PRKD2: variants seen among roughly 807,000 people sequenced by gnomAD.
PRKD2 encodes the protein serine/threonine-protein kinase D2.
A neutral mutation model predicts 86.0 loss-of-function variants in PRKD2; 22 were observed. The observed-to-expected ratio is 0.26, with a 90% CI of 0.18 to 0.37. The LOEUF (loss-of-function observed/expected upper bound fraction) is 0.37, where lower values mean the gene tolerates loss of function less well. PRKD2 is among the 10% of genes least tolerant of loss of function. PRKD2 has a pLI of 1.00. For synonymous variants in PRKD2, 509 were observed against 510.9 expected (o/e 1.00, Z 0.05); for missense variants, 818 against 1,199.2 (o/e 0.68, Z 4.70).
intron 7 of PRKD2, among the ~76,000 whole-genome samples, chr19:46,700,565 G>T (rs916271938): frequency 1.3e-5 from 2 of 152,094 alleles, no homozygotes; most frequent in Non-Finnish European, 2.9e-5. Flanking sequence ...CCAGGTGGTC[G>T]AGGCTGCAGT....
chr19:46,692,079 C>T, intron 10 of PRKD2, 94 bp from the exon 11 acceptor site: 5 of 1,255,126 alleles, frequency 4.0e-6, no homozygotes, highest in Non-Finnish European at 5.8e-6. Flanking sequence ...TCAGGCCACC[C>T]AGATTTGAAT....
intron 3 of PRKD2, among the ~76,000 whole-genome samples, chr19:46,708,972 G>T (rs417328): frequency 0.75 from 104,912 of 139,004 alleles, 39,338 homozygotes; most frequent in African/African-American, 0.81. Context: ...TTTGTTTGTG[G>T]TTTTTTTTTT....
chr19:46,707,146 C>T (rs1212502565), intron 3 of PRKD2, among the ~76,000 whole-genome samples: 2 of 151,982 alleles, frequency 1.3e-5, no homozygotes, highest in African/African-American at 4.8e-5. Context: ...CCCGCCTTGG[C>T]CTCCCAAAGT....
rs2053515245 is a variant in PRKD2, at chr19:46,693,790, T to C, written c.1576+85A>G. 2.0e-6 allele frequency: 3 copies of C among 1,499,786 alleles called. No individual in the cohort carries two copies. In the African/African-American group the frequency reaches 4.2e-5, roughly 21 times the overall value. The allele number at this position is 1,499,786 out of a possible 1,614,324, so 92.9% of individuals were successfully genotyped here. On this transcript the variant is annotated intron_variant, in intron 10 of 17. Transcript: ENST00000291281. This position sits in a 1 kb window ranked among gnomAD's most constrained non-coding sequence, Gnocchi z 4.5. ...GTTCTCAACCCCACCATTGCCCACT[T>C]TCCTCTTTGGCCCTTCCATTCCCCA...
intron 15 of PRKD2, among the ~76,000 whole-genome samples, chr19:46,679,158 C>CA (rs1338919444): frequency 3.9e-5 from 6 of 152,132 alleles, no homozygotes; most frequent in Admixed American, 2.6e-4. Flanking sequence ...GCCTGGCCAA[C>CA]ACGATGAAAC....
chr19:46,697,322 T>C (rs1355866821), intron 8 of PRKD2, 88 bp from the exon 9 acceptor site: 2 of 1,002,140 alleles, frequency 2.0e-6, no homozygotes, highest in African/African-American at 1.6e-5. Context: ...TCCAGGTGCC[T>C]GGAGCACCAC....
At chr19:46,714,063 G>C in intron 1 of PRKD2, 62 bp from the exon 2 acceptor site, 1 of 1,584,198 alleles carries the variant, frequency 6.3e-7, no homozygotes, top group Non-Finnish European at 8.6e-7. Flanking sequence ...GCAGCGGGCG[G>C]ACTGTGACCC....
In PRKD2 at chr19:46,678,249, A is replaced by T; in HGVS notation, c.2338+147T>A. The T allele has an allele frequency of 7.9e-7, 1 of 1,260,260 alleles. No homozygotes were observed. Among genetic ancestry groups the T allele is most frequent in the South Asian group, 1.5e-5 (1 of 68,068 alleles). The allele number at this position is 1,260,260 out of a possible 1,614,324, so 78.1% of individuals were successfully genotyped here. On this transcript the variant is annotated intron_variant, in intron 16 of 17. Transcript: ENST00000291281. The surrounding 1 kb of genome is among the most constrained non-coding windows in gnomAD (Gnocchi z 5.7). ...ACAGGACGGCTCCTCCTGTAGCCAC[A>T]TCCCTCCAGTAGGCCCGCCCCAGCA...
chr19:46,690,543 T>A, intron 13 of PRKD2, 57 bp downstream of exon 13: 1 of 1,544,650 alleles, frequency 6.5e-7, no homozygotes, highest in Non-Finnish European at 8.9e-7. Flanking sequence ...ACCCCTACAC[T>A]GGGTCAGCTG....
intron 17 of PRKD2, 88 bp downstream of exon 17, chr19:46,674,945 T>G (rs45445792): frequency 3.0e-6 from 4 of 1,353,978 alleles, no homozygotes; most frequent in Non-Finnish European, 2.1e-6. Context: ...GAAACCTACA[T>G]CCTTCACAAC....
intron 14 of PRKD2, among the ~76,000 whole-genome samples, chr19:46,686,644 CCT>C (rs1357216649): frequency 3.5e-5 from 5 of 142,558 alleles, no homozygotes; most frequent in African/African-American, 1.1e-4. Context: ...AAAATGAGAC[CCT>C]GTCTCAAAAA....
At chr19:46,688,331 G>A (rs916730090) in intron 14 of PRKD2, among the ~76,000 whole-genome samples, 2 of 151,904 alleles carry the variant, frequency 1.3e-5, no homozygotes, top group African/African-American at 4.8e-5. Flanking sequence ...GTCAAGTCAG[G>A]TCCAGGGAGC....
chr19:46,705,336 C>T (rs185505679), intron 3 of PRKD2, among the ~76,000 whole-genome samples: 180 of 151,942 alleles, frequency 1.2e-3, no homozygotes, highest in African/African-American at 3.5e-3. Context: ...CCTTTGGTTC[C>T]CCCTCTTTCC....
At chr19:46,701,292 G>A (rs991566248) in intron 5 of PRKD2, among the ~76,000 whole-genome samples, 180 bp from the exon 6 acceptor site, 7 of 151,856 alleles carry the variant, frequency 4.6e-5, no homozygotes, top group Admixed American at 3.3e-4. Flanking sequence ...CCAACCATCG[G>A]GGGGGTCTTG....
Position 46,716,295 on chromosome 19 carries a change from G to A in PRKD2, c.76C>T (p.Leu26=), listed in dbSNP as rs1402826032. The A allele has an allele frequency of 1.9e-6, 3 of 1,548,880 alleles. No homozygotes were observed. In the East Asian group the frequency reaches 7.5e-5, roughly 38 times the overall value. ...GPGSPPPPGG[L]ELQSPPPLLP... ...AGCGGTGGCGGCGACTGCAGCTCTA[G>A]GCCGCCGGGGGGCGGAGGAGACCCC... The change falls in exon 1 of 18, where the codon CTA becomes TTA. Residue 26 remains leucine (L), a synonymous_variant. Transcript: ENST00000291281. The surrounding 1 kb of genome is among the most constrained non-coding windows in gnomAD (Gnocchi z 7.9).
intron 16 of PRKD2, among the ~76,000 whole-genome samples, chr19:46,676,226 C>T (rs1022617638): frequency 5.3e-5 from 8 of 152,070 alleles, no homozygotes; most frequent in East Asian, 1.9e-4. Flanking sequence ...GTCAGGAGTT[C>T]GAGACAAGCC....
chr19:46,708,115 A>G (rs775696395), intron 3 of PRKD2, among the ~76,000 whole-genome samples: 9 of 151,986 alleles, frequency 5.9e-5, no homozygotes, highest in Non-Finnish European at 1.3e-4. Flanking sequence ...GAAAACCTGT[A>G]TATTTTTAAA....
chr19:46,678,336 C>A lies in PRKD2; in HGVS notation c.2338+60G>T. 6.3e-7 allele frequency: 1 copy of A among 1,582,266 alleles called. No homozygotes were observed. On this transcript the variant is annotated intron_variant, in intron 16 of 17. Coordinates refer to ENST00000291281, the MANE Select transcript of PRKD2 (RefSeq NM_016457.5). The surrounding 1 kb of genome is among the most constrained non-coding windows in gnomAD (Gnocchi z 5.7). ...GTCCACCCCCCTCTCATGGCTCCGC[C>A]CACTTCTCCAGCCCCACCCCACAAC...
chr19:46,695,431 C>T (rs1034735465), intron 9 of PRKD2, among the ~76,000 whole-genome samples: 16 of 152,200 alleles, frequency 1.1e-4, no homozygotes, highest in Non-Finnish European at 1.8e-4. Flanking sequence ...TGCAGTGAGC[C>T]AAGATCGCGC....
Sources: allele counts gnomAD v4.1 joint callset (sites outside exome capture counted in the v4.1 genomes callset), GRCh38; gene constraint gnomAD v4.1.1; non-coding constraint Gnocchi (gnomAD v3.1); transcripts MANE v1.5; gene names NCBI Gene and HGNC (gene_info 2026-07-23, HGNC 2026-07-21).